The following IQGAP3 variants were observed in gnomAD, a reference collection of about 807,000 sequenced individuals.
The protein encoded by IQGAP3 is ras GTPase-activating-like protein IQGAP3.
In IQGAP3, 165 loss-of-function variants were observed where a neutral mutation model predicts 208.2. The ratio of observed to expected loss-of-function variants is 0.79; its 90% CI spans 0.70 to 0.90. The LOEUF (loss-of-function observed/expected upper bound fraction) is 0.90. IQGAP3 is among the 40% of genes least tolerant of loss of function. The pLI, the probability that IQGAP3 is intolerant of heterozygous loss-of-function variation, is 0.00. For missense variants in IQGAP3, 1,811 were observed against 2,043.1 expected (o/e 0.89, Z 2.19); for synonymous variants, 703 against 803.6 (o/e 0.87, Z 2.12).
At chr1:156,558,449 G>C (rs1180553152) in intron 11 of IQGAP3, among the ~76,000 whole-genome samples, 4 of 10,704 alleles carry the variant, frequency 3.7e-4, no homozygotes, top group Admixed American at 2.2e-3. Context: ...CCCCTACTGG[G>C]AAGTGAGGAG....
Position 156,548,213 on chromosome 1 carries a change from C to T in IQGAP3, c.2164G>A (p.Asp722Asn). Residue 722 changes from aspartate (D) to asparagine (N), a missense_variant, in exon 19 of 38, where the codon GAC becomes AAC. Physicochemically the swap from Asp to Asn is conservative, Grantham distance 23. Coordinates refer to ENST00000361170, the MANE Select transcript of IQGAP3 (RefSeq NM_178229.5). Reference protein sequence around the residue: ...SAVTKVTAAYDRQQLWKANVG... With the variant: ...SAVTKVTAAYNRQQLWKANVG... ...TTGGCTTTCCAGAGCTGTTGGCGGT[C>T]ATAGGCAGCAGTGACCTTGGTGACA... 1.2e-6 allele frequency: 2 copies of T among 1,614,066 alleles called. No homozygotes were observed. The highest frequency in any genetic ancestry group is 3.3e-5 in the Admixed American group (2 of 60,010).
At position 156,563,836 on chromosome 1, in the gene IQGAP3, C is replaced by A. The variant is rs199617289; in HGVS notation, c.438-12G>T. 1 of 1,612,460 alleles carries A rather than the reference C, an allele frequency of 6.2e-7. No homozygotes were observed. Among genetic ancestry groups the A allele is most frequent in the Non-Finnish European group, 8.5e-7 (1 of 1,179,018 alleles). ...GGAAGAGGAAGAGACTAGGAAAAAA[C>A]GGAAGGCATTGGAAGGCACTGGGGC... is the stretch of plus-strand genomic sequence containing the variant. On this transcript the variant is annotated splice_polypyrimidine_tract_variant and intron_variant, in intron 5 of 37. Transcript: ENST00000361170.
chr1:156,551,703 A>G lies in IQGAP3; in HGVS notation c.1734+2T>C, dbSNP rs1356476519. On this transcript the variant is annotated splice_donor_variant, in intron 15 of 37. Coordinates refer to ENST00000361170, the MANE Select transcript of IQGAP3 (RefSeq NM_178229.5). LOFTEE classifies it high-confidence loss of function. ...GACCAACCCAACCAGCCCTAACTTC[A>G]CCTGGGCCTTCTGCCTTTTGGCTGC... The G allele has an allele frequency of 6.2e-7, 1 of 1,608,380 alleles. No homozygotes were observed. Among genetic ancestry groups the G allele is most frequent in the Admixed American group, 1.7e-5 (1 of 59,502 alleles).
chr1:156,535,439 C>T (rs1571318079), intron 27 of IQGAP3, among the ~76,000 whole-genome samples, 192 bp from the exon 28 acceptor site: 1 of 152,150 alleles, frequency 6.6e-6, no homozygotes, highest in East Asian at 1.9e-4. Context: ...GGGCCTTGTC[C>T]CTTCCTCCTG....
At position 156,530,319 on chromosome 1, in the gene IQGAP3, T is replaced by C; in HGVS notation, c.4192-2A>G. 6.2e-7 allele frequency: 1 copy of C among 1,605,830 alleles called. No homozygotes were observed. Among genetic ancestry groups the C allele is most frequent in the Non-Finnish European group, 8.5e-7 (1 of 1,179,560 alleles). ...CATCAGCTGCTTGTGGGCTGCTTCC[T>C]GGGGACACACAGACGCTGGAGGGGT... On this transcript the variant is annotated splice_acceptor_variant, in intron 33 of 37. Coordinates refer to ENST00000361170, the MANE Select transcript of IQGAP3 (RefSeq NM_178229.5). LOFTEE classifies it high-confidence loss of function.
chr1:156,533,845 G>A lies in IQGAP3; in HGVS notation c.3904C>T (p.Pro1302Ser). ...TCATGCAGGGGGTCTTGGTGATCAG[G>A]GGCAATGCAGTCCTGGTGCTCCAGC... The part of the protein sequence containing the change: ...LLLEHQDCIA[P>S]DHQDPLHELL... The change falls in exon 31 of 38, where the codon CCT becomes TCT. Residue 1302 changes from proline (P) to serine (S), a missense_variant. By Grantham distance (74) the Pro-to-Ser change is moderately conservative (BLOSUM62 -1). Transcript: ENST00000361170. 6.2e-7 allele frequency: 1 copy of A among 1,612,256 alleles called. No individual in the cohort carries two copies. The highest frequency in any genetic ancestry group is 8.5e-7 in the Non-Finnish European group (1 of 1,179,074).
rs1413566910 is a variant in IQGAP3 at position 156,566,421 on chromosome 1, T to G, written c.251A>C (p.Lys84Thr). 6.2e-7 allele frequency: 1 copy of G among 1,614,028 alleles called. No individual in the cohort carries two copies. The highest frequency in any genetic ancestry group is 8.5e-7 in the Non-Finnish European group (1 of 1,180,012). The change falls in exon 3 of 38, where the codon AAG becomes ACG. Residue 84 changes from lysine to threonine, a missense_variant. By Grantham distance (78) the Lys-to-Thr change is moderately conservative. Transcript: ENST00000361170. ...CCGCAGCTGCTCCACATCGTAGATCTTCTTCAAGGGAACCACGGAGGGTGC... is the reference window on the plus strand; with the variant it reads ...CCGCAGCTGCTCCACATCGTAGATCGTCTTCAAGGGAACCACGGAGGGTGC... ...CFAPSVVPLK[K>T]IYDVEQLRYQ... is the part of the protein sequence containing the mutation.
rs375629374 is a variant in IQGAP3 at position 156,548,687 on chromosome 1, C to T, written c.1887G>A (p.Glu629=). The change falls in exon 17 of 38, where the codon GAG becomes GAA. Residue 629 remains glutamate (E), a synonymous_variant. Coordinates refer to ENST00000361170, the MANE Select transcript of IQGAP3 (RefSeq NM_178229.5). ...CCACTGCGGGGTTCCTCAACACCCGCTCAGTCTGGGCTGCCTTGCCCTCCT... is the reference window on the plus strand; with the variant it reads ...CCACTGCGGGGTTCCTCAACACCCGTTCAGTCTGGGCTGCCTTGCCCTCCT... ...AIKEGKAAQT[E]RVLRNPAVAL... 1.0e-4 allele frequency: 166 copies of T among 1,611,054 alleles called. No homozygotes were observed. Among genetic ancestry groups the T allele is most frequent in the Middle Eastern group, 1.6e-4 (1 of 6,070 alleles).
intron 37 of IQGAP3, among the ~76,000 whole-genome samples, chr1:156,527,459 C>T (rs189490805): frequency 5.7e-4 from 86 of 152,170 alleles, no homozygotes; most frequent in African/African-American, 1.9e-3. Flanking sequence ...GCCTGGGTGA[C>T]GGAGTAAGGC....
rs746057135 is a variant in IQGAP3, at chr1:156,548,457, A to G, written c.2024T>C (p.Met675Thr). 3.1e-6 allele frequency: 5 copies of G among 1,613,708 alleles called. No individual in the cohort carries two copies. Among genetic ancestry groups the G allele is most frequent in the African/African-American group, 2.7e-5 (2 of 74,812 alleles). ...ADTAFWVQHD[M>T]KDGTAYYFHL... is the part of the protein sequence containing the mutation. ...GAAGTAGTAGGCAGTGCCATCCTTC[A>G]TGTCATGTTGAACCCAGAAAGCTGT... Residue 675 changes from methionine (M) to threonine (T), a missense_variant, in exon 18 of 38, where the codon ATG becomes ACG. Physicochemically the swap from Met to Thr is moderately conservative, Grantham distance 81. Coordinates refer to ENST00000361170, the MANE Select transcript of IQGAP3 (RefSeq NM_178229.5).
chr1:156,530,053 C>T (rs911488259), intron 34 of IQGAP3, 52 bp downstream of exon 34: 9 of 1,234,724 alleles, frequency 7.3e-6, no homozygotes, highest in Middle Eastern at 1.9e-4. Flanking sequence ...TATATGCACG[C>T]ACACACACAC....
Position 156,561,030 on chromosome 1 carries a change from G to T in IQGAP3, c.1042-9C>A. 6.2e-7 allele frequency: 1 copy of T among 1,606,054 alleles called. No homozygotes were observed. Among genetic ancestry groups the T allele is most frequent in the South Asian group, 1.1e-5 (1 of 90,908 alleles). ...TCCACCAGGCCCAGCTCCTAAGAGA[G>T]GGAAGAGATACAGTAGAATGGAGTC... On this transcript the variant is annotated splice_polypyrimidine_tract_variant and intron_variant, in intron 10 of 37. Transcript: ENST00000361170.
chr1:156,555,076 C>T (rs2102417739), intron 12 of IQGAP3, among the ~76,000 whole-genome samples: 1 of 152,150 alleles, frequency 6.6e-6, no homozygotes, highest in South Asian at 2.1e-4. Context: ...AATTGAACTG[C>T]ACTAGGCCCT....
At chr1:156,551,659 A>G in intron 15 of IQGAP3, 46 bp downstream of exon 15, 1 of 1,565,854 alleles carries the variant, frequency 6.4e-7, no homozygotes, top group Non-Finnish European at 8.7e-7. Flanking sequence ...CCCACAGAGA[A>G]TGTTCTTCCT....
At chr1:156,561,081 C>T (rs962479330) in intron 10 of IQGAP3, 60 bp from the exon 11 acceptor site, 28 of 1,266,014 alleles carry the variant, frequency 2.2e-5, no homozygotes, top group South Asian at 1.2e-4. Context: ...CCATGCTTTA[C>T]GAGTTGCCAG....
Position 156,540,703 on chromosome 1 carries a change from C to A in IQGAP3, c.2739+5G>T. Reference sequence around the variant, plus strand: ...CGGGGAGGGGAGGACTGGTGGGCCCCATACCTGCAGAGTGATCCGGTTCTT... The same window carrying A: ...CGGGGAGGGGAGGACTGGTGGGCCCAATACCTGCAGAGTGATCCGGTTCTT... On this transcript the variant is annotated splice_donor_5th_base_variant and intron_variant, in intron 23 of 37. Transcript: ENST00000361170. The A allele has an allele frequency of 6.2e-7, 1 of 1,612,956 alleles. No individual in the cohort carries two copies. The highest frequency in any genetic ancestry group is 8.5e-7 in the Non-Finnish European group (1 of 1,179,258).
Position 156,561,002 on chromosome 1 carries a change from A to C in IQGAP3, c.1061T>G (p.Leu354Arg), listed in dbSNP as rs780704842. The C allele has an allele frequency of 6.2e-7, 1 of 1,613,650 alleles. No individual in the cohort carries two copies. The highest frequency in any genetic ancestry group is 8.5e-7 in the Non-Finnish European group (1 of 1,179,742). ...QKAQELGLVE[L>R]LEKEEVQAGV... ...AGCCTGGACTTCCTCCTTTTCCAGA[A>C]GCTCCACCAGGCCCAGCTCCTAAGA... The change falls in exon 11 of 38, where the codon CTT becomes CGT. Residue 354 changes from leucine to arginine, a missense_variant. Physicochemically the swap from Leu to Arg is moderately radical, Grantham distance 102. Coordinates refer to ENST00000361170, the MANE Select transcript of IQGAP3 (RefSeq NM_178229.5).
rs1227656927 is a variant in IQGAP3 at position 156,539,490 on chromosome 1, G to A, written c.2940C>T (p.Asn980=). Residue 980 remains asparagine, a synonymous_variant, in exon 25 of 38, where the codon AAC becomes AAT. Transcript: ENST00000361170. Reference sequence around the variant, plus strand: ...CTGCCTCCATGAACTTGGTGGTTTTGTTCTGTGGCATCTGAAAGATCAGCT... The same window carrying A: ...CTGCCTCCATGAACTTGGTGGTTTTATTCTGTGGCATCTGAAAGATCAGCT... ...LAKLIFQMPQ[N]KTTKFMEAVI... 6.2e-6 allele frequency: 10 copies of A among 1,614,188 alleles called. No individual in the cohort carries two copies. The highest frequency in any genetic ancestry group is 8.5e-6 in the Non-Finnish European group (10 of 1,180,030).
At chr1:156,562,137 A>AT (rs1191140572) in intron 9 of IQGAP3, 136 bp from the exon 10 acceptor site, 6 of 828,998 alleles carry the variant, frequency 7.2e-6, no homozygotes, top group Non-Finnish European at 9.1e-6. Flanking sequence ...TCCTGGGCCC[A>AT]TTTGGTTCAG....
Sources: gnomAD v4.1 joint callset for allele counts (sites outside exome capture counted in the v4.1 genomes callset) on GRCh38, gnomAD v4.1.1 for gene constraint, MANE v1.5 for transcripts, NCBI Gene and HGNC (gene_info 2026-07-23, HGNC 2026-07-21) for gene names.